PATJ: variants seen among roughly 807,000 people sequenced by gnomAD.
The protein encoded by PATJ is inaD-like protein.
Under a neutral mutation model 224.9 loss-of-function variants are expected in PATJ, and 190 were observed. That is an observed-to-expected ratio of 0.84 (90% CI 0.75 to 0.95). The LOEUF (loss-of-function observed/expected upper bound fraction) is 0.95, where lower values mean the gene tolerates loss of function less well. Among genes scored for constraint, PATJ ranks in the 40% least tolerant of loss-of-function variants. PATJ has a pLI of 0.00. For missense variants in PATJ, 2,121 were observed against 2,270.3 expected (o/e 0.93, Z 1.34); for synonymous variants, 769 against 820.3 (o/e 0.94, Z 1.07).
chr1:61,895,123 C>T (rs1448828932), intron 22 of PATJ, among the ~76,000 whole-genome samples: 1 of 152,084 alleles, frequency 6.6e-6, no homozygotes, highest in Non-Finnish European at 1.5e-5. Context: ...GGTGACCTGG[C>T]TTGTGTTCAC....
intron 27 of PATJ, among the ~76,000 whole-genome samples, chr1:61,957,142 T>A (rs569188868): frequency 2.6e-5 from 4 of 152,330 alleles, no homozygotes; most frequent in African/African-American, 9.6e-5. Context: ...TTTGAACTGA[T>A]GTAGAAAAGG....
intron 1 of PATJ, among the ~76,000 whole-genome samples, chr1:61,757,196 T>G (rs1057065194): frequency 2.6e-5 from 4 of 151,032 alleles, no homozygotes; most frequent in African/African-American, 9.7e-5. Flanking sequence ...CTTAGCCTCC[T>G]GAGTAGATGG....
intron 27 of PATJ, among the ~76,000 whole-genome samples, chr1:61,959,078 A>G (rs539572127): frequency 5.3e-4 from 81 of 152,204 alleles, no homozygotes; most frequent in South Asian, 4.1e-3. Flanking sequence ...GGAGGAGGTT[A>G]TCTTTATTAT....
At chr1:61,979,295 G>A (rs1188909842) in intron 27 of PATJ, among the ~76,000 whole-genome samples, 7 of 152,090 alleles carry the variant, frequency 4.6e-5, no homozygotes, top group Non-Finnish European at 1.0e-4. Flanking sequence ...CACTGTGTAA[G>A]TGGAGGGGAA....
At chr1:62,048,063 A>G (rs547401971) in intron 30 of PATJ, among the ~76,000 whole-genome samples, 1 of 152,270 alleles carries the variant, frequency 6.6e-6, no homozygotes, top group Admixed American at 6.5e-5. Context: ...TCTTAGATCT[A>G]CCTTTTACTG....
chr1:61,948,440 G>A (rs150055235), intron 27 of PATJ, among the ~76,000 whole-genome samples: 6,601 of 152,266 alleles, frequency 0.043, 535 homozygotes, highest in African/African-American at 0.15. Flanking sequence ...AGACATTTAT[G>A]CAGCCAACAG....
intron 31 of PATJ, among the ~76,000 whole-genome samples, chr1:62,066,458 A>G (rs1656452127): frequency 6.6e-6 from 1 of 151,488 alleles, no homozygotes; most frequent in Non-Finnish European, 1.5e-5. Flanking sequence ...ATCACAGCTC[A>G]CTGCAGCTTT....
intron 34 of PATJ, among the ~76,000 whole-genome samples, chr1:62,109,766 T>C (rs1663573212): frequency 6.6e-6 from 1 of 152,204 alleles, no homozygotes; most frequent in Non-Finnish European, 1.5e-5. Context: ...CAAGTTATAA[T>C]GGTCACTTGA....
rs1239872916 is a variant in PATJ, at chr1:62,000,869, G to T, written c.3867+10505G>T. Reference sequence around the variant, plus strand: ...TCCTTTCCAGCACTTGTTGTTTCCTGACTTTTTAATGATTGCCATTCTAAC... The same window carrying T: ...TCCTTTCCAGCACTTGTTGTTTCCTTACTTTTTAATGATTGCCATTCTAAC... On this transcript the variant is annotated intron_variant, in intron 28 of 43. Transcript: ENST00000642238. 2.0e-5 allele frequency among the ~76,000 whole-genome samples: 3 copies of T among 151,092 alleles called. No individual in the cohort carries two copies. In the East Asian group the frequency reaches 5.8e-4, roughly 29 times the overall value.
At chr1:61,996,610 G>T (rs574542290) in intron 28 of PATJ, among the ~76,000 whole-genome samples, 8 of 152,006 alleles carry the variant, frequency 5.3e-5, no homozygotes, top group Non-Finnish European at 1.0e-4. Context: ...GAGACCTCAT[G>T]TAATAAAATA....
chr1:62,120,080 T>C (rs1220208962), intron 37 of PATJ, among the ~76,000 whole-genome samples: 1 of 152,196 alleles, frequency 6.6e-6, no homozygotes, highest in Non-Finnish European at 1.5e-5. Context: ...AATCATATCC[T>C]TTAAGGAAAA....
chr1:61,990,904 T>A (rs1645024129), intron 28 of PATJ, among the ~76,000 whole-genome samples: 1 of 152,218 alleles, frequency 6.6e-6, no homozygotes, highest in Non-Finnish European at 1.5e-5. Flanking sequence ...AGATGACTGA[T>A]CCTCTTTTAA....
intron 35 of PATJ, among the ~76,000 whole-genome samples, chr1:62,115,489 A>T (rs574904357): frequency 6.6e-6 from 1 of 151,736 alleles, no homozygotes; most frequent in South Asian, 2.1e-4. Flanking sequence ...AAATAAAGAA[A>T]AATGAAGTCT....
chr1:62,121,171 T>A lies in PATJ; in HGVS notation c.4891-10T>A. On this transcript the variant is annotated splice_polypyrimidine_tract_variant and intron_variant, in intron 37 of 43. Coordinates refer to ENST00000642238, the MANE Select transcript of PATJ (RefSeq NM_001350145.3). ...TCTGCACACAGGTGACCCCTGGGTC[T>A]TTCTTTCAGGGTAGTCAGCAGAGTG... The A allele has an allele frequency of 6.3e-7, 1 of 1,599,350 alleles. No homozygotes were observed. Among genetic ancestry groups the A allele is most frequent in the South Asian group, 1.1e-5 (1 of 90,106 alleles).
intron 28 of PATJ, among the ~76,000 whole-genome samples, chr1:61,999,327 G>A (rs1028408800): frequency 6.6e-6 from 1 of 152,152 alleles, no homozygotes; most frequent in Non-Finnish European, 1.5e-5. Context: ...GGAAAAATAT[G>A]CTCTTAGAAT....
intron 20 of PATJ, among the ~76,000 whole-genome samples, chr1:61,869,628 G>A (rs1666014838): frequency 6.6e-6 from 1 of 152,116 alleles, no homozygotes; most frequent in South Asian, 2.1e-4. Context: ...TCTTCATACT[G>A]AAGCCAGATA....
intron 41 of PATJ, among the ~76,000 whole-genome samples, chr1:62,146,277 C>T (rs1668029595): frequency 6.6e-6 from 1 of 152,086 alleles, no homozygotes; most frequent in Non-Finnish European, 1.5e-5. Flanking sequence ...GCAGAGATGT[C>T]ACAGGACACA....
chr1:62,011,292 C>T (rs983165048), intron 28 of PATJ, among the ~76,000 whole-genome samples: 19 of 152,188 alleles, frequency 1.2e-4, no homozygotes, highest in African/African-American at 4.3e-4. Context: ...TTCATCATTT[C>T]TAGCTTTTGA....
At chr1:62,124,142 G>A (rs1004611754) in intron 39 of PATJ, among the ~76,000 whole-genome samples, 1 of 151,978 alleles carries the variant, frequency 6.6e-6, no homozygotes, top group African/African-American at 2.4e-5. Context: ...GAATGCAGTG[G>A]TGCAATCTCA....
Sources: allele counts gnomAD v4.1 joint callset (sites outside exome capture counted in the v4.1 genomes callset), GRCh38; gene constraint gnomAD v4.1.1; transcripts MANE v1.5; gene names NCBI Gene and HGNC (gene_info 2026-07-23, HGNC 2026-07-21).